SYNE1: variants seen among roughly 807,000 people sequenced by gnomAD.
The protein encoded by SYNE1 is nesprin-1.
SYNE1 carries 616 observed loss-of-function variants against 1,111.0 expected under a neutral mutation model. The ratio of observed to expected loss-of-function variants is 0.55; its 90% CI spans 0.52 to 0.59. SYNE1 has a LOEUF of 0.59. Ranked by LOEUF, SYNE1 falls within the 20% of genes least tolerant of loss-of-function variation. SYNE1 has a pLI of 0.00. For missense variants in SYNE1, 10,006 were observed against 10,417.0 expected (o/e 0.96, Z 1.72); for synonymous variants, 3,855 against 3,825.8 (o/e 1.01, Z -0.28).
At chr6:152,378,918 G>T (rs1025423836) in intron 56 of SYNE1, among the ~76,000 whole-genome samples, 1 of 152,182 alleles carries the variant, frequency 6.6e-6, no homozygotes, top group Non-Finnish European at 1.5e-5. Context: ...TTAACTCGGT[G>T]TCTGGGCTGG....
chr6:152,223,025 G>A (rs2080540873), intron 117 of SYNE1, among the ~76,000 whole-genome samples: 1 of 152,158 alleles, frequency 6.6e-6, no homozygotes, highest in South Asian at 2.1e-4. Context: ...CTCCACAGGT[G>A]AAGTAGGCTA....
rs770687037 is a variant in SYNE1 at position 152,330,276 on chromosome 6, T to C, written c.14409A>G (p.Lys4803=). 3 of 1,614,192 alleles carry C rather than the reference T, an allele frequency of 1.9e-6. No homozygotes were observed. In the Admixed American group the frequency reaches 5.0e-5, roughly 27 times the overall value. Residue 4803 remains lysine (K), a synonymous_variant, in exon 78 of 146, where the codon AAA becomes AAG. Coordinates refer to ENST00000367255, the MANE Select transcript of SYNE1 (RefSeq NM_182961.4). ...CTGCAGGCAGCGTTTCCTCATTCAC[T>C]TTGGACTGCTCCTCTTTTACAGACT... The part of the protein sequence containing the change: ...QLKSVKEEQS[K]VNEETLPAEE...
At chr6:152,448,648 C>G (rs895643251) in intron 28 of SYNE1, among the ~76,000 whole-genome samples, 8 of 152,090 alleles carry the variant, frequency 5.3e-5, no homozygotes, top group Non-Finnish European at 1.2e-4. Flanking sequence ...TTGAAACTAG[C>G]CTGAGCAACA....
intron 93 of SYNE1, among the ~76,000 whole-genome samples, chr6:152,298,785 T>C (rs1177576713): frequency 1.3e-5 from 2 of 152,198 alleles, no homozygotes; most frequent in African/African-American, 2.4e-5. Flanking sequence ...CTGACATTAC[T>C]ATACAAAAAT....
chr6:152,289,398 T>A (rs969987772), intron 95 of SYNE1, among the ~76,000 whole-genome samples: 1 of 151,872 alleles, frequency 6.6e-6, no homozygotes, highest in Non-Finnish European at 1.5e-5. Context: ...TGAACACAAG[T>A]TTTTGTTTGT....
At chr6:152,624,158 C>G (rs769375468) in intron 3 of SYNE1, among the ~76,000 whole-genome samples, 1 of 151,978 alleles carries the variant, frequency 6.6e-6, no homozygotes, top group Non-Finnish European at 1.5e-5. Context: ...CAAAATTTGT[C>G]CTTGCAGTGA....
intron 127 of SYNE1, among the ~76,000 whole-genome samples, chr6:152,195,720 G>A (rs1483621923): frequency 6.6e-6 from 1 of 152,188 alleles, no homozygotes; most frequent in Admixed American, 6.5e-5. Flanking sequence ...AAGTACCCCT[G>A]TGGATCCCCC....
At chr6:152,506,876 C>A (rs1243287294) in intron 8 of SYNE1, among the ~76,000 whole-genome samples, 1 of 152,142 alleles carries the variant, frequency 6.6e-6, no homozygotes, top group African/African-American at 2.4e-5. Context: ...TGTGCACAGC[C>A]TATCCTTAAA....
At position 152,283,834 on chromosome 6, in the gene SYNE1, C is replaced by G. The variant is rs535455187; in HGVS notation, c.18207+144G>C. 5 of 765,358 alleles carry G rather than the reference C, an allele frequency of 6.5e-6. No individual in the cohort carries two copies. The East Asian group carries it at 1.1e-4, about 16-fold the overall frequency. 47.4% of individuals were successfully genotyped at this position (765,358 alleles called of 1,614,324 possible). On this transcript the variant is annotated intron_variant, in intron 96 of 145. Transcript: ENST00000367255. ...ACAGGTGTGAACCACCCCTCCCGGC[C>G]GTGGAGACCATTCTTGAAACACAAT...
Position 152,336,855 on chromosome 6 carries a change from C to T in SYNE1, c.12514G>A (p.Val4172Ile), listed in dbSNP as rs1275904793. Reference protein sequence around the residue: ...ELELNIAQNMVSQVKDFVKKL... With the variant: ...ELELNIAQNMISQVKDFVKKL... Reference sequence around the variant, plus strand: ...TTAATTCCCACCTTAACTTGTGAAACCATGTTCTGTGCAATGTTCAGCTCC... The same window carrying T: ...TTAATTCCCACCTTAACTTGTGAAATCATGTTCTGTGCAATGTTCAGCTCC... The change falls in exon 76 of 146, where the codon GTT becomes ATT. Residue 4172 changes from valine (V) to isoleucine (I), a missense_variant. By Grantham distance (29) the Val-to-Ile change is conservative. Around this residue, in one of 7 missense-constraint regions of SYNE1, gnomAD observed 4,955 missense variants for 5,017.2 expected, o/e 0.99. Transcript: ENST00000367255. 1 of 1,613,636 alleles carries T rather than the reference C, an allele frequency of 6.2e-7. No individual in the cohort carries two copies. Among genetic ancestry groups the T allele is most frequent in the Middle Eastern group, 1.6e-4 (1 of 6,062 alleles).
intron 3 of SYNE1, chr6:152,547,006 T>G (rs2099316889): frequency 6.6e-6 from 1 of 152,170 alleles, no homozygotes; most frequent in African/African-American, 2.4e-5. Flanking sequence ...AGAACTGAGG[T>G]ACCTCAGATG....
chr6:152,201,723 T>A (rs746243841), intron 127 of SYNE1, 101 bp downstream of exon 127: 14 of 1,563,914 alleles, frequency 9.0e-6, no homozygotes, highest in Non-Finnish European at 1.1e-5. Context: ...GGATCTTGTA[T>A]CTGCATGTAG....
At chr6:152,179,638 G>GCCTTTTT (rs2067380933) in intron 129 of SYNE1, among the ~76,000 whole-genome samples, 1 of 114,504 alleles carries the variant, frequency 8.7e-6, no homozygotes, top group South Asian at 3.7e-4. Context: ...TGTAAAGCAG[G>GCCTTTTT]CCTTTTTATG....
intron 11 of SYNE1, among the ~76,000 whole-genome samples, chr6:152,491,143 C>T (rs992538717): frequency 1.3e-5 from 2 of 151,848 alleles, no homozygotes; most frequent in Non-Finnish European, 2.9e-5. Flanking sequence ...CCTGATTATT[C>T]ACCCACATTC....
rs55990866 is a variant in SYNE1 at position 152,314,100 on chromosome 6, T to G, written c.16710+2749A>C. On this transcript the variant is annotated intron_variant, in intron 87 of 145. Transcript: ENST00000367255. ...GCCTTGTCATCTTCTACTGAAATACTGAAACCATCTTTTATATTGTCTTAC... is the reference window on the plus strand; with the variant it reads ...GCCTTGTCATCTTCTACTGAAATACGGAAACCATCTTTTATATTGTCTTAC... 9.9e-3 allele frequency among the ~76,000 whole-genome samples: 1,507 copies of G among 152,340 alleles called. 26 individuals carry two copies. Among genetic ancestry groups the G allele is most frequent in the African/African-American group, 0.035 (1,448 of 41,582 alleles).
At position 152,444,557 on chromosome 6, in the gene SYNE1, A is replaced by G. The variant is rs146403390; in HGVS notation, c.3691T>C (p.Phe1231Leu). Residue 1231 changes from phenylalanine to leucine, a missense_variant, in exon 30 of 146, where the codon TTT becomes CTT. Around this residue, in one of 7 missense-constraint regions of SYNE1, gnomAD observed 1,971 missense variants for 2,084.1 expected, o/e 0.95. Coordinates refer to ENST00000367255, the MANE Select transcript of SYNE1 (RefSeq NM_182961.4). Reference sequence around the variant, plus strand: ...TCTTTGTACTGGACACAGTCCCCAAAATTGCTTAGCATCTTTTCAACCTAT... The same window carrying G: ...TCTTTGTACTGGACACAGTCCCCAAGATTGCTTAGCATCTTTTCAACCTAT... ...LSEVEKMLSN[F>L]GDCVQYKEIV... 8.7e-6 allele frequency: 14 copies of G among 1,612,730 alleles called. No homozygotes were observed. The African/African-American group carries it at 1.9e-4, about 22-fold the overall frequency.
In SYNE1 at chr6:152,637,325, C is replaced by CGCGCTGCCT. The variant is rs1395545441; in HGVS notation, c.-537_-529dup. 2.0e-5 allele frequency: 3 copies of CGCGCTGCCT among 152,476 alleles called. No individual in the cohort carries two copies. The East Asian group carries it at 5.8e-4, about 30-fold the overall frequency. 9.4% of individuals were successfully genotyped at this position (152,476 alleles called of 1,614,324 possible). A position where few individuals can be genotyped will look rare whatever the true frequency, so the allele number is the denominator to read the frequency against. On this transcript the variant is annotated 5_prime_UTR_variant, in exon 1 of 146. Transcript: ENST00000367255. ...AAGGAAATGTCCCTGAGAGCCGGGA[C>CGCGCTGCCT]GCGCTGCCTCCGCTGCCTGGAGGAG...
At chr6:152,426,916 A>G (rs2154196643) in intron 38 of SYNE1, among the ~76,000 whole-genome samples, 1 of 152,374 alleles carries the variant, frequency 6.6e-6, no homozygotes, top group East Asian at 1.9e-4. Flanking sequence ...CGATTACAAA[A>G]GGCAAAAGAA....
rs916100180 is a variant in SYNE1, at chr6:152,594,384, A to G, written c.67+33881T>C. Among the ~76,000 whole-genome samples the G allele has an allele frequency of 2.0e-4, 30 of 152,300 alleles. No individual in the cohort carries two copies. In the East Asian group the frequency reaches 3.7e-3, roughly 19 times the overall value. Reference sequence around the variant, plus strand: ...CTAGGACACATGAATGAAGTTACAAAGAGACATATTTCTGTTCAGTATACA... The same window carrying G: ...CTAGGACACATGAATGAAGTTACAAGGAGACATATTTCTGTTCAGTATACA... On this transcript the variant is annotated intron_variant, in intron 3 of 145. Transcript: ENST00000367255.
Sources: allele counts gnomAD v4.1 joint callset (sites outside exome capture counted in the v4.1 genomes callset), GRCh38; gene constraint gnomAD v4.1.1; regional missense constraint gnomAD v4.1.1; transcripts MANE v1.5; gene names NCBI Gene and HGNC (gene_info 2026-07-23, HGNC 2026-07-21).